TXNL4A: variants seen among roughly 807,000 people sequenced by gnomAD.
TXNL4A encodes the protein thioredoxin like 4A.
TXNL4A carries 17 observed loss-of-function variants against 14.6 expected under a neutral mutation model. The observed-to-expected ratio is 1.16, with a 90% CI of 0.80 to 1.74. The LOEUF (loss-of-function observed/expected upper bound fraction) is 1.74. Among genes scored for constraint, TXNL4A ranks in the 40% most tolerant of loss-of-function variants. TXNL4A has a pLI of 0.00. For synonymous variants in TXNL4A, 83 were observed against 70.6 expected, an observed-to-expected ratio of 1.18 and a Z score of -0.88; for missense variants, 74 against 195.2, an observed-to-expected ratio of 0.38 and a Z score of 3.70.
At position 80,031,250 on chromosome 18, in the gene TXNL4A, T is replaced by C. The variant is rs192282440; in HGVS notation, c.-61+2601A>G. Among the ~76,000 whole-genome samples, 262 of 152,286 alleles carry C rather than the reference T, an allele frequency of 1.7e-3. 2 individuals are homozygous for C. Among genetic ancestry groups the C allele is most frequent in the African/African-American group, 5.9e-3 (244 of 41,554 alleles). On this transcript the variant is annotated intron_variant, in intron 1 of 2. Coordinates refer to the TXNL4A transcript ENST00000585474. ...CCTGTGGCCAAACAGTAGGAAGATA[T>C]ATGGGGTGGACACCTGGAGAATGTT...
At chr18:79,976,299 C>T (rs2051378533) in intron 2 of TXNL4A, among the ~76,000 whole-genome samples, 1 of 152,248 alleles carries the variant, frequency 6.6e-6, no homozygotes, top group Non-Finnish European at 1.5e-5. Flanking sequence ...AATCTTATCA[C>T]AGTCCTCTAA....
chr18:79,987,435 T>G (rs574506271), intron 1 of TXNL4A, among the ~76,000 whole-genome samples: 41 of 152,336 alleles, frequency 2.7e-4, no homozygotes, highest in Non-Finnish European at 4.3e-4. Context: ...TTACTCTTCA[T>G]TAAAAGGAAT....
chr18:80,007,694 A>G (rs1282875711), intron 1 of TXNL4A, among the ~76,000 whole-genome samples: 1 of 151,990 alleles, frequency 6.6e-6, no homozygotes, highest in Admixed American at 6.6e-5. Context: ...TAAATAAACA[A>G]TATGAGAGGG....
At chr18:79,999,403 GCGGGTGC>G (rs1380419169) in intron 1 of TXNL4A, among the ~76,000 whole-genome samples, 1 of 151,980 alleles carries the variant, frequency 6.6e-6, no homozygotes, top group Non-Finnish European at 1.5e-5. Flanking sequence ...AGGCATGGTG[GCGGGTGC>G]CTGTAATCCC....
chr18:79,999,931 C>T (rs969317914), intron 1 of TXNL4A, among the ~76,000 whole-genome samples: 1 of 152,186 alleles, frequency 6.6e-6, no homozygotes, highest in African/African-American at 2.4e-5. Flanking sequence ...CTCCCATTCT[C>T]TCTTGCTTGC....
upstream of TXNL4A, among the ~76,000 whole-genome samples, chr18:79,992,713 T>C (rs192270907): frequency 3.0e-4 from 46 of 152,184 alleles, 1 homozygote; most frequent in African/African-American, 1.1e-3. Context: ...AATTTCGCCA[T>C]GGTAATGTAA....
intron 1 of TXNL4A, among the ~76,000 whole-genome samples, chr18:80,025,275 G>T (rs1194044085): frequency 6.6e-6 from 1 of 152,164 alleles, no homozygotes; most frequent in Non-Finnish European, 1.5e-5. Context: ...TGCTAATCAA[G>T]AACTCTCTAA....
intron 1 of TXNL4A, among the ~76,000 whole-genome samples, chr18:79,986,936 C>A (rs974627698): frequency 2.6e-5 from 4 of 152,188 alleles, no homozygotes; most frequent in Non-Finnish European, 4.4e-5. Flanking sequence ...TCTCTAATCC[C>A]CGGCTGGCAG....
intron 1 of TXNL4A, among the ~76,000 whole-genome samples, chr18:80,014,682 T>G (rs2051794971): frequency 6.6e-6 from 1 of 152,150 alleles, no homozygotes; most frequent in African/African-American, 2.4e-5. Context: ...TGTCAGTGGA[T>G]CTACCATTCT....
intron 1 of TXNL4A, among the ~76,000 whole-genome samples, chr18:80,028,456 T>C (rs2014529): frequency 0.77 from 115,875 of 151,432 alleles, 45,032 homozygotes; most frequent in East Asian, 0.91. Context: ...CACTCTCTTG[T>C]CAGGCCCTTC....
chr18:80,030,611 G>A (rs1471777823), intron 1 of TXNL4A: 2 of 152,168 alleles, frequency 1.3e-5, no homozygotes, highest in East Asian at 1.9e-4. Context: ...TTACATCACA[G>A]AAACAGTTTG....
chr18:80,024,579 T>C lies in TXNL4A; in HGVS notation c.-61+9272A>G, dbSNP rs544613578. ...TGTGGAATCTTCCATGCTGGAGAAA[T>C]AGAGCACCTTGCTTCCCTCAGCCTT... On this transcript the variant is annotated intron_variant, in intron 1 of 2. Transcript: ENST00000585474. Among the ~76,000 whole-genome samples, 5 of 152,290 alleles carry C rather than the reference T, an allele frequency of 3.3e-5. No homozygotes were observed. In the South Asian group the frequency reaches 8.3e-4, roughly 25 times the overall value.
chr18:80,024,415 G>C (rs752265294), intron 1 of TXNL4A, among the ~76,000 whole-genome samples: 1 of 152,102 alleles, frequency 6.6e-6, no homozygotes, highest in South Asian at 2.1e-4. Context: ...CTTAGAAATC[G>C]TATATTTTGT....
At chr18:79,980,860 G>A (rs2051453586) in intron 1 of TXNL4A, among the ~76,000 whole-genome samples, 1 of 152,190 alleles carries the variant, frequency 6.6e-6, no homozygotes, top group African/African-American at 2.4e-5. Flanking sequence ...CCGTCCATGT[G>A]CTTTCAAAAC....
chr18:80,029,969 G>A (rs1390147847), intron 1 of TXNL4A, among the ~76,000 whole-genome samples: 1 of 152,144 alleles, frequency 6.6e-6, no homozygotes, highest in Non-Finnish European at 1.5e-5. Flanking sequence ...TTTGTCTATT[G>A]GAAAAGACAT....
chr18:80,002,462 A>G (rs1013808857), intron 1 of TXNL4A, among the ~76,000 whole-genome samples: 4 of 152,206 alleles, frequency 2.6e-5, no homozygotes, highest in African/African-American at 7.2e-5. Flanking sequence ...AAGCCACTGA[A>G]GAGTTGCTTA....
chr18:79,987,651 C>T (rs2051573050), intron 1 of TXNL4A, among the ~76,000 whole-genome samples: 1 of 152,086 alleles, frequency 6.6e-6, no homozygotes, highest in African/African-American at 2.4e-5. Flanking sequence ...ATGCCAAGAC[C>T]ACTCAGTGTA....
upstream of TXNL4A, among the ~76,000 whole-genome samples, chr18:79,992,220 T>C (rs981628855): frequency 6.6e-6 from 1 of 152,180 alleles, no homozygotes; most frequent in African/African-American, 2.4e-5. Context: ...GTCATACTGG[T>C]AGGTATAAAA....
At chr18:79,983,013 C>CA (rs1472188166) in intron 1 of TXNL4A, among the ~76,000 whole-genome samples, 1 of 152,020 alleles carries the variant, frequency 6.6e-6, no homozygotes, top group Non-Finnish European at 1.5e-5. Context: ...TTTTTCTTTT[C>CA]TTTTTTAGAT....
Sources: allele counts gnomAD v4.1 joint callset (sites outside exome capture counted in the v4.1 genomes callset), GRCh38; gene constraint gnomAD v4.1.1; transcripts MANE v1.5; gene names NCBI Gene and HGNC (gene_info 2026-07-23, HGNC 2026-07-21).